Variants in CTNND2 observed in about 807,000 individuals in gnomAD.
CTNND2 encodes catenin delta-2.
A neutral mutation model predicts 144.4 loss-of-function variants in CTNND2; 22 were observed. The ratio of observed to expected loss-of-function variants is 0.15; its 90% CI spans 0.11 to 0.22. The LOEUF is 0.22. Ranked by LOEUF, CTNND2 falls within the 10% of genes least tolerant of loss-of-function variation. The probability of loss-of-function intolerance (pLI) is 1.00; values close to 1 mark genes in which losing one functional copy is unlikely to be tolerated. For missense variants in CTNND2, 1,353 were observed against 1,618.8 expected (o/e 0.84, Z 2.82); for synonymous variants, 751 against 695.6 (o/e 1.08, Z -1.25).
At chr5:11,005,677 C>A (rs1042061850) in intron 18 of CTNND2, among the ~76,000 whole-genome samples, 5 of 152,098 alleles carry the variant, frequency 3.3e-5, no homozygotes, top group African/African-American at 1.2e-4. Flanking sequence ...GATGGGCAAC[C>A]ACGGAAGAAG....
intron 12 of CTNND2, among the ~76,000 whole-genome samples, chr5:11,118,914 G>A (rs1020547277): frequency 6.6e-6 from 1 of 152,184 alleles, no homozygotes; most frequent in Non-Finnish European, 1.5e-5. Context: ...AACCCAGAGA[G>A]GACCAAGGAA....
At position 11,645,744 on chromosome 5, in the gene CTNND2, C is replaced by G. The variant is rs559094720; in HGVS notation, c.175-80688G>C. On this transcript the variant is annotated intron_variant, in intron 2 of 21. Coordinates refer to ENST00000304623, the MANE Select transcript of CTNND2 (RefSeq NM_001332.4). Reference sequence around the variant, plus strand: ...AAAATATCTTGTCCTTACTGCTTATCTAAGTTTACATCCTTATCATAAAAT... The same window carrying G: ...AAAATATCTTGTCCTTACTGCTTATGTAAGTTTACATCCTTATCATAAAAT... Among the ~76,000 whole-genome samples, 8 of 152,114 alleles carry G rather than the reference C, an allele frequency of 5.3e-5. No individual in the cohort carries two copies. The South Asian group carries it at 1.7e-3, about 32-fold the overall frequency.
Position 11,000,591 on chromosome 5 carries a change from G to A in CTNND2, c.3085-7914C>T, listed in dbSNP as rs561587982. On this transcript the variant is annotated intron_variant, in intron 18 of 21. Transcript: ENST00000304623. ...GAGTTTGTTAGCTTTGTATGCAGGG[G>A]ATGAGCTAGAACTGTCTGGCAAGGC... Among the ~76,000 whole-genome samples the A allele has an allele frequency of 2.0e-5, 3 of 152,334 alleles. No individual in the cohort carries two copies. In the South Asian group the frequency reaches 6.2e-4, roughly 32 times the overall value.
intron 9 of CTNND2, among the ~76,000 whole-genome samples, chr5:11,326,458 C>T (rs185615135): frequency 6.6e-6 from 1 of 152,212 alleles, no homozygotes; most frequent in East Asian, 1.9e-4. Context: ...TGTCTTGAAA[C>T]TGATTGGCAG....
At chr5:10,977,679 C>T (rs919291369) in intron 21 of CTNND2, among the ~76,000 whole-genome samples, 6 of 152,188 alleles carry the variant, frequency 3.9e-5, no homozygotes, top group African/African-American at 7.2e-5. Context: ...TCTTGAACTC[C>T]TGAGCTCAAG....
At chr5:11,712,954 C>T (rs1786118631) in intron 2 of CTNND2, among the ~76,000 whole-genome samples, 1 of 152,068 alleles carries the variant, frequency 6.6e-6, no homozygotes, top group African/African-American at 2.4e-5. Flanking sequence ...TATAGTCATT[C>T]ATAGTATCCT....
intron 3 of CTNND2, among the ~76,000 whole-genome samples, chr5:11,530,540 A>G (rs1009577245): frequency 1.3e-5 from 2 of 152,198 alleles, no homozygotes; most frequent in African/African-American, 4.8e-5. Context: ...AGGCACAGCC[A>G]GTCTTCAAGT....
At position 11,441,848 on chromosome 5, in the gene CTNND2, G is replaced by A. The variant is rs769958631; in HGVS notation, c.288-29779C>T. On this transcript the variant is annotated intron_variant, in intron 3 of 21. Coordinates refer to ENST00000304623, the MANE Select transcript of CTNND2 (RefSeq NM_001332.4). The stretch of plus-strand genomic sequence containing the variant: ...ATGTGACTATTAACAAGATATTTTC[G>A]CCAATATGTGCTTCCATTAGCATAA... Among the ~76,000 whole-genome samples, 13 of 151,896 alleles carry A rather than the reference G, an allele frequency of 8.6e-5. No homozygotes were observed. The South Asian group carries it at 1.7e-3, about 19-fold the overall frequency.
At chr5:11,381,828 G>A (rs900619068) in intron 7 of CTNND2, among the ~76,000 whole-genome samples, 9 of 152,124 alleles carry the variant, frequency 5.9e-5, no homozygotes, top group Admixed American at 1.3e-4. Flanking sequence ...TTAGCCAGGC[G>A]TGGTGGCGGG....
intron 16 of CTNND2, among the ~76,000 whole-genome samples, chr5:11,025,125 A>C (rs913794610): frequency 6.6e-6 from 1 of 152,162 alleles, no homozygotes. Context: ...CATTAAGTCT[A>C]TTTATCAGTC....
In CTNND2 at chr5:11,702,642, C is replaced by A. The variant is rs149522611; in HGVS notation, c.174+29494G>T. Among the ~76,000 whole-genome samples, 88 of 152,276 alleles carry A rather than the reference C, an allele frequency of 5.8e-4. 1 individual carries two copies. The highest frequency in any genetic ancestry group is 2.0e-3 in the African/African-American group (84 of 41,552). On this transcript the variant is annotated intron_variant, in intron 2 of 21. Coordinates refer to ENST00000304623, the MANE Select transcript of CTNND2 (RefSeq NM_001332.4). The stretch of plus-strand genomic sequence containing the variant: ...AAGCCACTCTCCAGCACAAGGATTG[C>A]TACACCGGATCCTAGGGTGGAAATC...
chr5:11,327,531 C>G (rs1040335916), intron 9 of CTNND2, among the ~76,000 whole-genome samples: 1 of 152,110 alleles, frequency 6.6e-6, no homozygotes, highest in Non-Finnish European at 1.5e-5. Context: ...TATTAAACAC[C>G]TGGATTCTCA....
intron 12 of CTNND2, among the ~76,000 whole-genome samples, chr5:11,156,800 C>T (rs891186918): frequency 6.6e-6 from 1 of 152,110 alleles, no homozygotes; most frequent in African/African-American, 2.4e-5. Context: ...TAGGTCCTAG[C>T]AGGGAAGAAT....
chr5:11,693,119 A>G (rs1784985552), intron 2 of CTNND2, among the ~76,000 whole-genome samples: 2 of 152,228 alleles, frequency 1.3e-5, no homozygotes, highest in South Asian at 4.1e-4. Flanking sequence ...CTTTGGAGTA[A>G]TTTAAAAATT....
At chr5:11,332,547 C>G (rs1753283773) in intron 9 of CTNND2, among the ~76,000 whole-genome samples, 1 of 152,120 alleles carries the variant, frequency 6.6e-6, no homozygotes, top group South Asian at 2.1e-4. Flanking sequence ...GCATTAAGTA[C>G]ATTCATACTG....
At chr5:11,829,320 G>A (rs188768780) in intron 1 of CTNND2, among the ~76,000 whole-genome samples, 168 of 152,286 alleles carry the variant, frequency 1.1e-3, no homozygotes, top group African/African-American at 3.9e-3. Context: ...AATGTCTCCA[G>A]GGAATGCCAG....
intron 3 of CTNND2, among the ~76,000 whole-genome samples, chr5:11,516,672 G>T (rs1408699692): frequency 6.6e-6 from 1 of 152,070 alleles, no homozygotes; most frequent in Admixed American, 6.5e-5. Context: ...AAATGTTAAA[G>T]ATCTAAATAA....
intron 18 of CTNND2, among the ~76,000 whole-genome samples, chr5:11,007,550 G>C (rs1340754042): frequency 6.6e-6 from 1 of 152,236 alleles, no homozygotes; most frequent in South Asian, 2.1e-4. Flanking sequence ...TTCTTCCCTT[G>C]GTTGTTGCTA....
chr5:11,596,374 T>C (rs1169798562), intron 2 of CTNND2, among the ~76,000 whole-genome samples: 2 of 152,318 alleles, frequency 1.3e-5, no homozygotes, highest in East Asian at 3.9e-4. Context: ...TGGGCCCTGT[T>C]TCTTTGGCTG....
Sources: allele counts gnomAD v4.1 joint callset (sites outside exome capture counted in the v4.1 genomes callset), GRCh38; gene constraint gnomAD v4.1.1; transcripts MANE v1.5; gene names NCBI Gene and HGNC (gene_info 2026-07-23, HGNC 2026-07-21).